The following KCNMA1 variants were observed in gnomAD, a reference collection of about 807,000 sequenced individuals.
KCNMA1 encodes the protein potassium calcium-activated channel subfamily M alpha 1, also known as Calcium-activated potassium channel subunit alpha-1.
Under a neutral mutation model 140.0 loss-of-function variants are expected in KCNMA1, and 29 were observed. The ratio of observed to expected loss-of-function variants is 0.21; its 90% CI spans 0.15 to 0.28. KCNMA1 has a LOEUF of 0.28. Ranked by LOEUF, KCNMA1 falls within the 10% of genes least tolerant of loss-of-function variation. The probability of loss-of-function intolerance (pLI) is 1.00; values close to 1 mark genes in which losing one functional copy is unlikely to be tolerated. For synonymous variants in KCNMA1, 612 were observed against 611.9 expected (o/e 1.00, Z 0.00); for missense variants, 880 against 1,602.2 (o/e 0.55, Z 7.70).
chr10:77,439,247 A>T (rs1173468530), intron 1 of KCNMA1, among the ~76,000 whole-genome samples: 1 of 152,228 alleles, frequency 6.6e-6, no homozygotes, highest in South Asian at 2.1e-4. Context: ...CACCTAGATT[A>T]TACCATAAAC....
chr10:77,112,256 A>T, intron 7 of KCNMA1, 111 bp downstream of exon 7: 1 of 803,900 alleles, frequency 1.2e-6, no homozygotes, highest in Non-Finnish European at 2.1e-6. Context: ...CTTCCTGTCT[A>T]CAACCGAGGT....
chr10:76,932,771 G>A (rs891823157), intron 23 of KCNMA1, among the ~76,000 whole-genome samples: 2 of 152,270 alleles, frequency 1.3e-5, no homozygotes, highest in African/African-American at 4.8e-5. Flanking sequence ...TCATGAACTA[G>A]AGCAACAAAA....
At chr10:77,413,000 G>A (rs1377188885) in intron 1 of KCNMA1, among the ~76,000 whole-genome samples, 3 of 152,046 alleles carry the variant, frequency 2.0e-5, no homozygotes, top group Non-Finnish European at 4.4e-5. Flanking sequence ...TGGGATTACA[G>A]GCGTGTGTCA....
chr10:77,049,115 A>T (rs1031844519), intron 14 of KCNMA1, among the ~76,000 whole-genome samples: 1 of 152,194 alleles, frequency 6.6e-6, no homozygotes, highest in Non-Finnish European at 1.5e-5. Context: ...CAGCTTAAGA[A>T]GATGGGAAAT....
At chr10:76,990,593 C>T (rs2082454579) in intron 19 of KCNMA1, among the ~76,000 whole-genome samples, 1 of 152,180 alleles carries the variant, frequency 6.6e-6, no homozygotes, top group Non-Finnish European at 1.5e-5. Context: ...GAGCCCCTTC[C>T]TCCCTGTCTT....
At chr10:77,042,302 G>A (rs887169841) in intron 14 of KCNMA1, among the ~76,000 whole-genome samples, 7 of 151,922 alleles carry the variant, frequency 4.6e-5, no homozygotes, top group South Asian at 2.1e-4. Context: ...AATTTTTTTC[G>A]AATAAAAGAT....
intron 3 of KCNMA1, chr10:77,250,918 T>A: frequency 2.3e-6 from 1 of 428,800 alleles, no homozygotes; most frequent in Non-Finnish European, 4.3e-6. Context: ...TGCAAATACA[T>A]CATTAGGAAA....
intron 1 of KCNMA1, among the ~76,000 whole-genome samples, chr10:77,598,475 T>C (rs1313816020): frequency 6.6e-6 from 1 of 152,210 alleles, no homozygotes; most frequent in Non-Finnish European, 1.5e-5. Context: ...CCTAAGCACT[T>C]GGCCAGGAAA....
At chr10:77,075,961 T>C (rs1292168676) in intron 13 of KCNMA1, among the ~76,000 whole-genome samples, 1 of 152,236 alleles carries the variant, frequency 6.6e-6, no homozygotes, top group Non-Finnish European at 1.5e-5. Flanking sequence ...CTGGCAGACC[T>C]GGCTGCCCTT....
At chr10:77,441,102 C>T (rs112148123) in intron 1 of KCNMA1, among the ~76,000 whole-genome samples, 7,093 of 152,084 alleles carry the variant, frequency 0.047, 576 homozygotes, top group African/African-American at 0.16. Flanking sequence ...GGATTACAGG[C>T]GTGAGCCACC....
intron 2 of KCNMA1, among the ~76,000 whole-genome samples, chr10:77,268,367 A>C (rs2063993538): frequency 6.6e-6 from 1 of 152,182 alleles, no homozygotes; most frequent in Non-Finnish European, 1.5e-5. Context: ...CTGTTCGCAG[A>C]GTATAGGAGA....
intron 1 of KCNMA1, among the ~76,000 whole-genome samples, chr10:77,428,189 G>T (rs1329001689): frequency 1.3e-5 from 2 of 152,102 alleles, no homozygotes; most frequent in Admixed American, 6.6e-5. Context: ...TCTACAGGTG[G>T]GAAGACAAAA....
intron 9 of KCNMA1, among the ~76,000 whole-genome samples, chr10:77,094,294 C>A (rs1055998588): frequency 6.6e-6 from 1 of 152,132 alleles, no homozygotes; most frequent in African/African-American, 2.4e-5. Flanking sequence ...AAGTGACTTG[C>A]CCAGGATGCA....
chr10:77,053,109 G>C (rs1479195666), intron 14 of KCNMA1, among the ~76,000 whole-genome samples: 1 of 152,174 alleles, frequency 6.6e-6, no homozygotes, highest in African/African-American at 2.4e-5. Context: ...GTTGGTATAA[G>C]ATGGAAAGAG....
intron 1 of KCNMA1, among the ~76,000 whole-genome samples, chr10:77,505,501 G>A (rs2045508784): frequency 6.6e-6 from 1 of 152,230 alleles, no homozygotes; most frequent in African/African-American, 2.4e-5. Flanking sequence ...TGGTTGGGGG[G>A]AAGCTCATTA....
In KCNMA1 at chr10:77,000,857, AATAT is replaced by A. The variant is rs56359933; in HGVS notation, c.2266+546_2266+549del. Among the ~76,000 whole-genome samples the A allele has an allele frequency of 5.7e-3, 207 of 36,580 alleles. 2 individuals carry two copies. The highest frequency in any genetic ancestry group is 0.027 in the Middle Eastern group (2 of 74). The allele number at this position is 36,580 out of a possible 152,430, so 24.0% of individuals were successfully genotyped here. ...GGTTAGAGAGACATAGTAAAAAGAA[AATAT>A]ATATATATATATATATATATATATA... On this transcript the variant is annotated intron_variant, in intron 19 of 27. Transcript: ENST00000286628.
intron 1 of KCNMA1, among the ~76,000 whole-genome samples, chr10:77,410,991 CTGTT>C (rs1267423487): frequency 3.3e-5 from 5 of 152,080 alleles, no homozygotes; most frequent in Non-Finnish European, 1.5e-5. Flanking sequence ...GAGTTTTTGT[CTGTT>C]TCTTTTTGTT....
intron 1 of KCNMA1, among the ~76,000 whole-genome samples, chr10:77,464,383 A>C (rs1389698595): frequency 3.3e-5 from 5 of 151,962 alleles, no homozygotes; most frequent in African/African-American, 1.2e-4. Flanking sequence ...AGATGGGGAG[A>C]TGATCCTTGA....
At chr10:77,363,357 C>T (rs2094130246) in intron 2 of KCNMA1, among the ~76,000 whole-genome samples, 1 of 152,154 alleles carries the variant, frequency 6.6e-6, no homozygotes, top group African/African-American at 2.4e-5. Context: ...GCAGAATCTG[C>T]AGCCACTGAG....
Sources: gnomAD v4.1 joint callset for allele counts (sites outside exome capture counted in the v4.1 genomes callset) on GRCh38, gnomAD v4.1.1 for gene constraint, MANE v1.5 for transcripts, NCBI Gene and HGNC (gene_info 2026-07-23, HGNC 2026-07-21) for gene names.